Variants in ZNF600 observed in about 807,000 individuals in gnomAD.
The protein encoded by ZNF600 is zinc finger protein KR-ZNF1.
A neutral mutation model predicts 7.3 loss-of-function variants in ZNF600; 4 were observed. The ratio of observed to expected loss-of-function variants is 0.55; its 90% CI spans 0.27 to 1.25. ZNF600 has a LOEUF of 1.25. ZNF600 is among the 50% of genes most tolerant of loss of function. The probability of loss-of-function intolerance (pLI) is 0.12; values close to 1 mark genes in which losing one functional copy is unlikely to be tolerated. For missense variants in ZNF600, 911 were observed against 922.1 expected, an observed-to-expected ratio of 0.99 and a Z score of 0.16; for synonymous variants, 290 against 308.9, an observed-to-expected ratio of 0.94 and a Z score of 0.64.
chr19:52,825,744 G>A, the ZNF600 span, among the ~76,000 whole-genome samples: 13 of 152,078 alleles, frequency 8.5e-5, no homozygotes, highest in South Asian at 4.2e-4. Flanking sequence ...CCAGCACTTC[G>A]GGAGGCTGAG....
chr19:52,786,245 G>A lies in ZNF600; in HGVS notation c.-20+350C>T, dbSNP rs541206906. Among the ~76,000 whole-genome samples, 689 of 152,268 alleles carry A rather than the reference G, an allele frequency of 4.5e-3. 2 individuals carry two copies. Among genetic ancestry groups the A allele is most frequent in the African/African-American group, 0.016 (660 of 41,534 alleles). On this transcript the variant is annotated intron_variant, in intron 1 of 3. Coordinates refer to ENST00000648973, the Ensembl canonical transcript of ZNF600. Reference sequence around the variant, plus strand: ...CTCAGGGGAAGCGAAGACTTGGGGAGCAGCAGGGCCCGGCACCAGGAGGGA... The same window carrying A: ...CTCAGGGGAAGCGAAGACTTGGGGAACAGCAGGGCCCGGCACCAGGAGGGA...
chr19:52,771,143 T>C (rs8112180), intron 3 of ZNF600, among the ~76,000 whole-genome samples: 16,304 of 152,018 alleles, frequency 0.11, 2,444 homozygotes, highest in African/African-American at 0.34. Context: ...AGGACTACTG[T>C]TTTTATAAAA....
At chr19:52,819,200 A>G in the ZNF600 span, among the ~76,000 whole-genome samples, 1 of 136,016 alleles carries the variant, frequency 7.4e-6, no homozygotes, top group African/African-American at 2.9e-5. Flanking sequence ...ACTGGCAGGG[A>G]CCCTGAACAC....
chr19:52,768,225 C>T (rs1472024600), intron 3 of ZNF600, among the ~76,000 whole-genome samples: 5 of 150,550 alleles, frequency 3.3e-5, no homozygotes, highest in Admixed American at 6.6e-5. Flanking sequence ...GTAAGGATAA[C>T]CAAAATCAAT....
At chr19:52,793,841 A>C in the ZNF600 span, among the ~76,000 whole-genome samples, 27 of 150,790 alleles carry the variant, frequency 1.8e-4, no homozygotes, top group African/African-American at 6.3e-4. Flanking sequence ...CTTCTCAGTC[A>C]TTTCATGTAT....
At chr19:52,816,975 C>A in the ZNF600 span, among the ~76,000 whole-genome samples, 1 of 152,022 alleles carries the variant, frequency 6.6e-6, no homozygotes, top group Non-Finnish European at 1.5e-5. Context: ...ACCTGTTTCA[C>A]AAGCCTCTCC....
chr19:52,810,017 G>A, the ZNF600 span: 7 of 753,078 alleles, frequency 9.3e-6, no homozygotes, highest in Non-Finnish European at 1.7e-5. Flanking sequence ...TGTTGGAGCC[G>A]GAGCCCGAAG....
At chr19:52,788,927 C>A (rs1400643244), upstream of ZNF600, among the ~76,000 whole-genome samples, 1 of 152,236 alleles carries the variant, frequency 6.6e-6, no homozygotes, top group Admixed American at 6.5e-5. Context: ...CAAGTTTGAG[C>A]TCCACTCAGG....
exon 4 of ZNF600, chr19:52,767,368 T>C: frequency 6.2e-7 from 1 of 1,614,088 alleles, no homozygotes; most frequent in Non-Finnish European, 8.5e-7. Context: ...ATTTGGGGCC[T>C]AGGAGAAATT....
At chr19:52,818,304 C>T in the ZNF600 span, among the ~76,000 whole-genome samples, 3 of 152,268 alleles carry the variant, frequency 2.0e-5, no homozygotes, top group East Asian at 1.9e-4. Flanking sequence ...TATGGTGGTG[C>T]GCATCTGTGT....
the ZNF600 span, chr19:52,800,861 T>A: frequency 6.2e-7 from 1 of 1,613,984 alleles, no homozygotes; most frequent in Admixed American, 1.7e-5. Context: ...AAACCTTACA[T>A]TTGTATGGTT....
At chr19:52,820,443 T>A in the ZNF600 span, among the ~76,000 whole-genome samples, 1 of 151,448 alleles carries the variant, frequency 6.6e-6, no homozygotes, top group African/African-American at 2.4e-5. Flanking sequence ...TTGGTCCTTC[T>A]CCCCAATCTT....
intron 1 of ZNF600, among the ~76,000 whole-genome samples, chr19:52,783,396 C>G (rs1302517187): frequency 6.6e-6 from 1 of 152,226 alleles, no homozygotes; most frequent in Non-Finnish European, 1.5e-5. Context: ...GAGTCTCGCT[C>G]TGTCGCCCAG....
At chr19:52,816,786 A>G in the ZNF600 span, among the ~76,000 whole-genome samples, 1 of 151,696 alleles carries the variant, frequency 6.6e-6, no homozygotes, top group Non-Finnish European at 1.5e-5. Context: ...AGCTGAGATC[A>G]TGCCACTGCA....
At chr19:52,809,679 G>A in the ZNF600 span, 2 of 360,620 alleles carry the variant, frequency 5.5e-6, no homozygotes, top group Non-Finnish European at 9.9e-6. Flanking sequence ...GGTGTTGGCT[G>A]CCTGTAATCT....
chr19:52,810,796 T>C, the ZNF600 span: 9 of 433,050 alleles, frequency 2.1e-5, 2 homozygotes, highest in African/African-American at 1.3e-4. Flanking sequence ...AAACAGAAGA[T>C]GACCTTGATG....
chr19:52,800,453 C>A, the ZNF600 span: 3 of 1,613,458 alleles, frequency 1.9e-6, no homozygotes, highest in African/African-American at 4.0e-5. Context: ...TGTATGGTTT[C>A]TCTGCAGTAT....
intron 1 of ZNF600, among the ~76,000 whole-genome samples, chr19:52,785,245 C>CT (rs879349377): frequency 2.3e-3 from 328 of 144,936 alleles, no homozygotes; most frequent in African/African-American, 4.7e-3. Context: ...TATTTAACCT[C>CT]TTTTTTTTTT....
At chr19:52,770,593 G>C (rs1167149171) in intron 3 of ZNF600, among the ~76,000 whole-genome samples, 1 of 151,946 alleles carries the variant, frequency 6.6e-6, no homozygotes, top group East Asian at 1.9e-4. Flanking sequence ...ATAAAACATA[G>C]AATGTGTACT....
Sources: gnomAD v4.1 joint callset for allele counts (sites outside exome capture counted in the v4.1 genomes callset) on GRCh38, gnomAD v4.1.1 for gene constraint, MANE v1.5 for transcripts, NCBI Gene and HGNC (gene_info 2026-07-23, HGNC 2026-07-21) for gene names.